The following NDUFAF6 variants were observed in gnomAD, a reference collection of about 807,000 sequenced individuals.
NDUFAF6 encodes NADH:ubiquinone oxidoreductase complex assembly factor 6.
Under a neutral mutation model 40.8 loss-of-function variants are expected in NDUFAF6, and 45 were observed. That is an observed-to-expected ratio of 1.10 (90% CI 0.87 to 1.42). The LOEUF is 1.42. Ranked by LOEUF, NDUFAF6 falls within the 40% of genes most tolerant of loss-of-function variation. The pLI is 0.00. For synonymous variants in NDUFAF6, 185 were observed against 155.9 expected (o/e 1.19, Z -1.39); for missense variants, 435 against 418.5 (o/e 1.04, Z -0.34).
intron 1 of NDUFAF6, among the ~76,000 whole-genome samples, chr8:94,932,516 A>G (rs894993213): frequency 2.0e-5 from 3 of 152,204 alleles, no homozygotes; most frequent in Admixed American, 6.5e-5. Flanking sequence ...AAGAATTTCA[A>G]ATCCCTGCCG....
At chr8:95,060,432 T>C (rs1832543671), downstream of NDUFAF6, among the ~76,000 whole-genome samples, 2 of 152,256 alleles carry the variant, frequency 1.3e-5, no homozygotes, top group Admixed American at 6.5e-5. Context: ...CATATCATTA[T>C]GAAATAAGTT....
At chr8:95,088,253 T>C (rs1809114840) in intron 2 of NDUFAF6, among the ~76,000 whole-genome samples, 1 of 152,190 alleles carries the variant, frequency 6.6e-6, no homozygotes, top group Non-Finnish European at 1.5e-5. Flanking sequence ...CCTGGCGCCC[T>C]AGAGTCCTGG....
upstream of NDUFAF6, among the ~76,000 whole-genome samples, chr8:95,020,928 T>C (rs917897038): frequency 1.3e-4 from 20 of 152,054 alleles, no homozygotes; most frequent in African/African-American, 4.6e-4. Context: ...AATTAGGTGT[T>C]TGGGGGATGA....
At chr8:95,024,949 T>G, upstream of NDUFAF6, 1 of 1,263,748 alleles carries the variant, frequency 7.9e-7, no homozygotes. Flanking sequence ...TGCAGGGGCG[T>G]GGCCGGGGCG....
At position 94,983,859 on chromosome 8, in the gene NDUFAF6, T is replaced by C. The variant is rs138215169; in HGVS notation, c.-84+2886T>C. On this transcript the variant is annotated intron_variant, in intron 2 of 9. Transcript: ENST00000396111. ...CCGAAGAGTCACCAAGGGGCACTTA[T>C]TAAAGTACAGATTCCAGGGTCTACC... is the stretch of plus-strand genomic sequence containing the variant. 7.2e-5 allele frequency among the ~76,000 whole-genome samples: 11 copies of C among 152,248 alleles called. No individual in the cohort carries two copies. The East Asian group carries it at 2.1e-3, about 29-fold the overall frequency.
intron 2 of NDUFAF6, among the ~76,000 whole-genome samples, chr8:95,011,314 G>A (rs569104472): frequency 1.3e-5 from 2 of 152,144 alleles, no homozygotes; most frequent in African/African-American, 2.4e-5. Context: ...ACAAGTCTAG[G>A]TTCCTCTCAC....
At chr8:95,003,612 C>T (rs1826832829) in intron 2 of NDUFAF6, among the ~76,000 whole-genome samples, 1 of 152,188 alleles carries the variant, frequency 6.6e-6, no homozygotes, top group South Asian at 2.1e-4. Context: ...CCCTTCAACA[C>T]TTTGTGTCTG....
At chr8:94,924,250 C>T (rs1468597468) in intron 1 of NDUFAF6, among the ~76,000 whole-genome samples, 3 of 152,032 alleles carry the variant, frequency 2.0e-5, no homozygotes, top group East Asian at 1.9e-4. Context: ...TTAGTAGAGA[C>T]GGGGTTTCAC....
chr8:95,106,153 T>C (rs924968384), downstream of NDUFAF6, among the ~76,000 whole-genome samples: 1 of 151,750 alleles, frequency 6.6e-6, no homozygotes, highest in Non-Finnish European at 1.5e-5. Flanking sequence ...CAGGCACCTG[T>C]GGTCCCAGCT....
At chr8:95,023,747 G>C (rs112907499), upstream of NDUFAF6, among the ~76,000 whole-genome samples, 1,802 of 152,244 alleles carry the variant, frequency 0.012, 43 homozygotes, top group African/African-American at 0.04. Context: ...GTTAATCCCA[G>C]CACTATGGGA....
intron 2 of NDUFAF6, among the ~76,000 whole-genome samples, chr8:94,951,873 G>A (rs80014156): frequency 6.6e-6 from 1 of 152,154 alleles, no homozygotes; most frequent in South Asian, 2.1e-4. Flanking sequence ...TCTCCATAGC[G>A]TAGAGCTGTC....
chr8:95,117,122 A>G (rs900108439), downstream of NDUFAF6, among the ~76,000 whole-genome samples: 5 of 152,252 alleles, frequency 3.3e-5, no homozygotes, highest in African/African-American at 1.2e-4. Flanking sequence ...AGCATAGATC[A>G]GCTCATCACT....
chr8:94,946,527 C>G (rs563840973), intron 2 of NDUFAF6, among the ~76,000 whole-genome samples: 6 of 151,108 alleles, frequency 4.0e-5, no homozygotes, highest in African/African-American at 1.2e-4. Context: ...AAAGCAAGAC[C>G]CCATCTCTAC....
chr8:94,969,444 C>A (rs1824279526), intron 1 of NDUFAF6, among the ~76,000 whole-genome samples: 1 of 152,140 alleles, frequency 6.6e-6, no homozygotes, highest in African/African-American at 2.4e-5. Flanking sequence ...GAGCAGCTTG[C>A]AAAGTCATAA....
At chr8:95,078,121 A>C (rs1017644805), downstream of NDUFAF6, among the ~76,000 whole-genome samples, 1 of 152,138 alleles carries the variant, frequency 6.6e-6, no homozygotes, top group Non-Finnish European at 1.5e-5. Flanking sequence ...GCCCATGGAG[A>C]GAATCAAAGG....
intron 2 of NDUFAF6, among the ~76,000 whole-genome samples, chr8:95,086,453 T>C (rs1362907138): frequency 1.3e-5 from 2 of 152,212 alleles, no homozygotes; most frequent in South Asian, 2.1e-4. Context: ...AGTTAATCCC[T>C]GCTTCTCCTG....
At chr8:94,911,621 T>C (rs909908607) in intron 1 of NDUFAF6, among the ~76,000 whole-genome samples, 2 of 152,198 alleles carry the variant, frequency 1.3e-5, no homozygotes, top group Non-Finnish European at 2.9e-5. Context: ...AAGAATAATA[T>C]ACAATGGTAC....
At chr8:95,110,514 T>C (rs1483504864) in intron 4 of NDUFAF6, among the ~76,000 whole-genome samples, 3 of 152,208 alleles carry the variant, frequency 2.0e-5, no homozygotes, top group Non-Finnish European at 4.4e-5. Context: ...GTGCTTTCTA[T>C]AGTCTTCAAA....
At chr8:94,976,916 C>A (rs1195834196) in intron 1 of NDUFAF6, among the ~76,000 whole-genome samples, 1 of 151,822 alleles carries the variant, frequency 6.6e-6, no homozygotes, top group Non-Finnish European at 1.5e-5. Flanking sequence ...TTTGGGAAGC[C>A]CAGTCAGGCG....
Sources: gnomAD v4.1 joint callset for allele counts (sites outside exome capture counted in the v4.1 genomes callset) on GRCh38, gnomAD v4.1.1 for gene constraint, MANE v1.5 for transcripts, NCBI Gene and HGNC (gene_info 2026-07-23, HGNC 2026-07-21) for gene names.